HOOK3: variants seen among roughly 807,000 people sequenced by gnomAD.
The protein encoded by HOOK3 is hook microtubule tethering protein 3, also known as protein Hook homolog 3.
In HOOK3, 24 loss-of-function variants were observed where a neutral mutation model predicts 116.3. The ratio of observed to expected loss-of-function variants is 0.21; its 90% CI spans 0.15 to 0.29. The LOEUF (loss-of-function observed/expected upper bound fraction) is 0.29, where lower values mean the gene tolerates loss of function less well. HOOK3 is among the 10% of genes least tolerant of loss of function. HOOK3 has a pLI of 1.00. For synonymous variants in HOOK3, 275 were observed against 283.0 expected, an observed-to-expected ratio of 0.97 and a Z score of 0.28; for missense variants, 632 against 830.2, an observed-to-expected ratio of 0.76 and a Z score of 2.93.
At chr8:42,966,831 TTG>T (rs1322845254) in intron 10 of HOOK3, among the ~76,000 whole-genome samples, 1 of 152,198 alleles carries the variant, frequency 6.6e-6, no homozygotes, top group Non-Finnish European at 1.5e-5. Flanking sequence ...GAATTTATAT[TTG>T]TAAACACTTG....
chr8:43,025,065 T>G lies in HOOK3; in HGVS notation c.*6567T>G, dbSNP rs1809908944. The G allele has an allele frequency of 4.7e-6, 1 of 211,746 alleles. No individual in the cohort carries two copies. The highest frequency in any genetic ancestry group is 2.3e-5 in the African/African-American group (1 of 44,256). The allele number at this position is 211,746 out of a possible 1,614,324, so 13.1% of individuals were successfully genotyped here. ...GACTTAAAACATGGGCATCCTTGGA[T>G]TCTCCACATTGACTGAAATGATAGA... On this transcript the variant is annotated 3_prime_UTR_variant, in exon 22 of 22. Coordinates refer to ENST00000307602, the MANE Select transcript of HOOK3 (RefSeq NM_032410.4).
At chr8:42,910,501 C>T (rs1011745623) in intron 2 of HOOK3, among the ~76,000 whole-genome samples, 12 of 152,186 alleles carry the variant, frequency 7.9e-5, no homozygotes, top group Non-Finnish European at 1.5e-4. Flanking sequence ...TACTCAATAC[C>T]GCTATGCCAA....
At chr8:42,927,918 G>T (rs369510890) in intron 3 of HOOK3, among the ~76,000 whole-genome samples, 1 of 152,270 alleles carries the variant, frequency 6.6e-6, no homozygotes, top group South Asian at 2.1e-4. Context: ...AGGTCAAGGC[G>T]GGTGGATCAC....
At chr8:42,906,053 C>G (rs1807299933) in intron 1 of HOOK3, 120 bp from the exon 2 acceptor site, 6 of 731,534 alleles carry the variant, frequency 8.2e-6, no homozygotes, top group Admixed American at 2.5e-5. Flanking sequence ...GGCCATTGCA[C>G]TCCAGCCTGG....
At chr8:43,004,700 A>C (rs1309686373) in intron 17 of HOOK3, among the ~76,000 whole-genome samples, 1 of 151,702 alleles carries the variant, frequency 6.6e-6, no homozygotes, top group Non-Finnish European at 1.5e-5. Context: ...AAAAAAAAAA[A>C]AACTACAATG....
chr8:42,937,729 TC>T (rs1363887639), intron 4 of HOOK3, among the ~76,000 whole-genome samples: 1 of 152,258 alleles, frequency 6.6e-6, no homozygotes, highest in Non-Finnish European at 1.5e-5. Context: ...TCAGTTCTAA[TC>T]TGATTGCACT....
chr8:42,910,569 C>T (rs1365179178), intron 2 of HOOK3, among the ~76,000 whole-genome samples: 1 of 152,178 alleles, frequency 6.6e-6, no homozygotes, highest in Admixed American at 6.5e-5. Flanking sequence ...TGTTGAATGT[C>T]TTGTAAGTAG....
intron 3 of HOOK3, among the ~76,000 whole-genome samples, chr8:42,926,345 G>A (rs1001559662): frequency 6.6e-6 from 1 of 152,156 alleles, no homozygotes; most frequent in African/African-American, 2.4e-5. Context: ...GAAAGCAGTG[G>A]TGCAATCTTC....
At chr8:42,905,333 G>GC in intron 1 of HOOK3, among the ~76,000 whole-genome samples, 1 of 146,366 alleles carries the variant, frequency 6.8e-6, no homozygotes, top group Middle Eastern at 3.4e-3. Flanking sequence ...TTTGGGGGGG[G>GC]GGGTGCCGTG....
intron 2 of HOOK3, 139 bp downstream of exon 2, chr8:42,906,397 A>G (rs527914119): frequency 3.1e-6 from 2 of 638,618 alleles, no homozygotes; most frequent in African/African-American, 1.8e-5. Context: ...GTTTTAATGG[A>G]ATGTACTTAT....
intron 13 of HOOK3, among the ~76,000 whole-genome samples, chr8:42,978,946 A>G (rs1427551227): frequency 1.3e-5 from 2 of 152,156 alleles, no homozygotes; most frequent in African/African-American, 4.8e-5. Flanking sequence ...CACACTTAAC[A>G]CAATTATTTC....
At chr8:42,950,212 A>C (rs934413572) in intron 5 of HOOK3, among the ~76,000 whole-genome samples, 176 bp from the exon 6 acceptor site, 2 of 152,192 alleles carry the variant, frequency 1.3e-5, no homozygotes, top group African/African-American at 4.8e-5. Flanking sequence ...GATCTTAAGG[A>C]AAGATAAATA....
intron 13 of HOOK3, among the ~76,000 whole-genome samples, chr8:42,978,255 T>G (rs992139940): frequency 1.3e-5 from 2 of 152,196 alleles, no homozygotes; most frequent in African/African-American, 4.8e-5. Flanking sequence ...CCATTTTCTT[T>G]TTTTGAGATG....
rs1809916688 is a variant in HOOK3 at position 43,025,450 on chromosome 8, G to A, written c.*6952G>A. On this transcript the variant is annotated 3_prime_UTR_variant, in exon 22 of 22. Transcript: ENST00000307602. ...GGAAGTCCTAATACAATGAAAACTT[G>A]CATTATCTAAACAGATGTTCCCAAA... The A allele has an allele frequency of 2.3e-5, 5 of 213,406 alleles. No homozygotes were observed. Among genetic ancestry groups the A allele is most frequent in the Non-Finnish European group, 3.8e-5 (4 of 105,608 alleles). 13.2% of individuals were successfully genotyped at this position (213,406 alleles called of 1,614,324 possible).
At position 43,028,037 on chromosome 8, in the gene HOOK3, C is replaced by T. The variant is rs1196463043; in HGVS notation, c.*9539C>T. ...ATTAATACTAATCCTTTTTAAAGACCTTGGAAAAAATCAAAACCCCATTCC... is the reference window on the plus strand; with the variant it reads ...ATTAATACTAATCCTTTTTAAAGACTTTGGAAAAAATCAAAACCCCATTCC... On this transcript the variant is annotated 3_prime_UTR_variant, in exon 22 of 22. Coordinates refer to ENST00000307602, the MANE Select transcript of HOOK3 (RefSeq NM_032410.4). 5.2e-5 allele frequency: 10 copies of T among 192,830 alleles called. No individual in the cohort carries two copies. In the Admixed American group the frequency reaches 6.1e-4, roughly 12 times the overall value. 11.9% of individuals were successfully genotyped at this position (192,830 alleles called of 1,614,324 possible). A position where few individuals can be genotyped will look rare whatever the true frequency, so the allele number is the denominator to read the frequency against.
Position 43,010,395 on chromosome 8 carries a change from A to G in HOOK3, c.1829A>G (p.Lys610Arg). The change falls in exon 19 of 22, where the codon AAA (lysine) becomes AGA (arginine). Residue 610 changes from lysine (K) to arginine (R), a missense_variant. Lys to Arg is a conservative substitution (Grantham distance 26, BLOSUM62 2). Around this residue, in one of 3 missense-constraint regions of HOOK3, gnomAD observed 483 missense variants for 648.1 expected, o/e 0.75. Coordinates refer to ENST00000307602, the MANE Select transcript of HOOK3 (RefSeq NM_032410.4). Reference protein sequence around the residue: ...MEERYKKYLEKAKSVIRTLDP... With the variant: ...MEERYKKYLERAKSVIRTLDP... ...GAACGATACAAAAAATACTTAGAGA[A>G]AGCCAAAAGTGTAAGTATGAATTTT... 1 of 1,402,684 alleles carries G rather than the reference A, an allele frequency of 7.1e-7. No homozygotes were observed. The allele number at this position is 1,402,684 out of a possible 1,614,324, so 86.9% of individuals were successfully genotyped here.
At chr8:42,961,485 T>C (rs935869454) in intron 8 of HOOK3, among the ~76,000 whole-genome samples, 1 of 152,278 alleles carries the variant, frequency 6.6e-6, no homozygotes, top group Non-Finnish European at 1.5e-5. Flanking sequence ...GTAAGTAGTT[T>C]AAAGTTGCAG....
rs1809929892 is a variant in HOOK3, at chr8:43,026,158, A to G, written c.*7660A>G. 1 of 205,080 alleles carries G rather than the reference A, an allele frequency of 4.9e-6. No individual in the cohort carries two copies. Among genetic ancestry groups the G allele is most frequent in the South Asian group, 1.9e-4 (1 of 5,298 alleles). The allele number at this position is 205,080 out of a possible 1,614,324, so 12.7% of individuals were successfully genotyped here. A position where few individuals can be genotyped will look rare whatever the true frequency, so the allele number is the denominator to read the frequency against. ...AATTACTTTAGCAGTTATGTTGTAA[A>G]ATTAATAAAAAGGACTCATGTTTAT... On this transcript the variant is annotated 3_prime_UTR_variant, in exon 22 of 22. Coordinates refer to ENST00000307602, the MANE Select transcript of HOOK3 (RefSeq NM_032410.4).
intron 17 of HOOK3, among the ~76,000 whole-genome samples, chr8:43,004,612 C>T (rs756707860): frequency 4.9e-5 from 7 of 144,236 alleles, no homozygotes; most frequent in Non-Finnish European, 1.0e-4. Flanking sequence ...ACCTGGGAGG[C>T]AGAGGTTGCA....
Sources: allele counts gnomAD v4.1 joint callset (sites outside exome capture counted in the v4.1 genomes callset), GRCh38; gene constraint gnomAD v4.1.1; regional missense constraint gnomAD v4.1.1; transcripts MANE v1.5; gene names NCBI Gene and HGNC (gene_info 2026-07-23, HGNC 2026-07-21).